INPP4B: variants seen among roughly 807,000 people sequenced by gnomAD.
INPP4B encodes inositol polyphosphate 4-phosphatase type II.
Under a neutral mutation model 122.5 loss-of-function variants are expected in INPP4B, and 55 were observed. The observed-to-expected ratio is 0.45, with a 90% CI of 0.36 to 0.56. INPP4B has a LOEUF of 0.56. Ranked by LOEUF, INPP4B falls within the 20% of genes least tolerant of loss-of-function variation. The pLI is 0.00. For missense variants in INPP4B, 1,000 were observed against 1,097.7 expected (o/e 0.91, Z 1.26); for synonymous variants, 403 against 388.7 (o/e 1.04, Z -0.43).
At chr4:142,051,438 CTTCT>C (rs1754533563) in intron 25 of INPP4B, among the ~76,000 whole-genome samples, 1 of 151,778 alleles carries the variant, frequency 6.6e-6, no homozygotes, top group African/African-American at 2.4e-5. Flanking sequence ...CTAAGTGAGA[CTTCT>C]GGGAGCTAGC....
intron 1 of INPP4B, among the ~76,000 whole-genome samples, chr4:142,843,831 G>T (rs538007930): frequency 6.6e-6 from 1 of 152,040 alleles, no homozygotes; most frequent in South Asian, 2.1e-4. Context: ...TCTCCCTCAA[G>T]GTAGTGAAAG....
chr4:142,775,540 T>TCTTCC (rs1773749583), intron 1 of INPP4B, among the ~76,000 whole-genome samples: 1 of 98,666 alleles, frequency 1.0e-5, no homozygotes, highest in South Asian at 4.0e-4. Context: ...CCTACTCTCC[T>TCTTCC]CTTCCCTTCC....
chr4:142,241,507 C>G (rs941753135), intron 11 of INPP4B, among the ~76,000 whole-genome samples: 1 of 152,030 alleles, frequency 6.6e-6, no homozygotes, highest in Non-Finnish European at 1.5e-5. Flanking sequence ...ATTGTTTCTC[C>G]CAGATTGTAA....
chr4:142,765,196 A>G (rs1440188356), intron 1 of INPP4B, among the ~76,000 whole-genome samples: 1 of 152,176 alleles, frequency 6.6e-6, no homozygotes, highest in Non-Finnish European at 1.5e-5. Context: ...ATGGCCCCAA[A>G]TTAGAGATTA....
chr4:142,454,652 C>T (rs1041873799), intron 3 of INPP4B, among the ~76,000 whole-genome samples: 7 of 151,994 alleles, frequency 4.6e-5, no homozygotes, highest in African/African-American at 1.7e-4. Flanking sequence ...GTGGTTGGGA[C>T]CAATTATGGA....
At chr4:142,165,451 T>C (rs1822276333) in intron 16 of INPP4B, among the ~76,000 whole-genome samples, 1 of 151,690 alleles carries the variant, frequency 6.6e-6, no homozygotes, top group South Asian at 2.1e-4. Flanking sequence ...TTGTCTTTCC[T>C]TTACAATGTT....
intron 11 of INPP4B, among the ~76,000 whole-genome samples, chr4:142,250,289 A>G (rs1254118532): frequency 6.6e-6 from 1 of 152,236 alleles, no homozygotes; most frequent in East Asian, 1.9e-4. Context: ...TTTACAACAG[A>G]TAAGTGAACT....
intron 1 of INPP4B, among the ~76,000 whole-genome samples, chr4:142,845,541 C>T (rs893669133): frequency 6.6e-6 from 1 of 152,176 alleles, no homozygotes; most frequent in Admixed American, 6.5e-5. Context: ...ACAAGAGATG[C>T]TGCCTGATGG....
At chr4:142,434,797 G>T (rs1810074586) in intron 3 of INPP4B, among the ~76,000 whole-genome samples, 3 of 151,998 alleles carry the variant, frequency 2.0e-5, no homozygotes, top group Admixed American at 6.6e-5. Context: ...ATGCAGCAAG[G>T]GTGTCCAATC....
At chr4:142,378,309 C>G (rs991187672) in intron 7 of INPP4B, among the ~76,000 whole-genome samples, 3 of 152,110 alleles carry the variant, frequency 2.0e-5, no homozygotes, top group African/African-American at 7.2e-5. Flanking sequence ...TAGCCTTGAC[C>G]CCTAGGTACA....
chr4:142,744,461 A>T (rs941214321), intron 1 of INPP4B, among the ~76,000 whole-genome samples: 1 of 151,888 alleles, frequency 6.6e-6, no homozygotes, highest in Non-Finnish European at 1.5e-5. Flanking sequence ...AAAAAATCCT[A>T]AAAAAGATCA....
At chr4:142,569,520 G>A (rs1245211683) in intron 2 of INPP4B, among the ~76,000 whole-genome samples, 2 of 152,098 alleles carry the variant, frequency 1.3e-5, no homozygotes, top group Non-Finnish European at 2.9e-5. Context: ...ACAGAAGGGA[G>A]AAACTGGGCA....
intron 1 of INPP4B, among the ~76,000 whole-genome samples, chr4:142,836,771 A>C (rs565565284): frequency 6.6e-6 from 1 of 150,990 alleles, no homozygotes; most frequent in Non-Finnish European, 1.5e-5. Context: ...CAACTTATCC[A>C]TAAACACATT....
intron 2 of INPP4B, among the ~76,000 whole-genome samples, chr4:142,469,391 G>T (rs918730487): frequency 1.3e-5 from 2 of 152,042 alleles, no homozygotes; most frequent in African/African-American, 4.8e-5. Context: ...TGTAACACGT[G>T]TAAGTGGGGA....
At chr4:142,248,908 A>T (rs899822677) in intron 11 of INPP4B, among the ~76,000 whole-genome samples, 9 of 152,120 alleles carry the variant, frequency 5.9e-5, no homozygotes, top group Non-Finnish European at 1.0e-4. Context: ...AATTTATAAC[A>T]TTTAAGTGCC....
chr4:142,140,759 T>C (rs1306272643), intron 18 of INPP4B, among the ~76,000 whole-genome samples: 1 of 152,198 alleles, frequency 6.6e-6, no homozygotes, highest in African/African-American at 2.4e-5. Flanking sequence ...ATAGTGGTGC[T>C]TAAATGTTAC....
chr4:142,574,091 T>C lies in INPP4B; in HGVS notation c.-190-111365A>G, dbSNP rs1002448504. Among the ~76,000 whole-genome samples the C allele has an allele frequency of 3.9e-5, 6 of 152,240 alleles. 1 individual carries two copies. The South Asian group carries it at 1.0e-3, about 26-fold the overall frequency. On this transcript the variant is annotated intron_variant, in intron 2 of 25. Coordinates refer to ENST00000262992, the MANE Select transcript of INPP4B (RefSeq NM_001101669.3). ...AACTCAAACCATTTAACTCTTGGAC[T>C]GTTGCTTTCATCAATACCAAAAGCC...
chr4:142,718,586 A>C lies in INPP4B; in HGVS notation c.-191+7253T>G, dbSNP rs532420633. 1.3e-3 allele frequency among the ~76,000 whole-genome samples: 201 copies of C among 152,286 alleles called. 5 individuals are homozygous for C. The South Asian group carries it at 0.019, about 15-fold the overall frequency. On this transcript the variant is annotated intron_variant, in intron 2 of 25. Transcript: ENST00000262992. ...TAAGCTAGCGCTGTGCCTTCTGTTC[A>C]TGAATAGCACTTTCTCATGGCATAG...
chr4:142,460,458 T>C (rs1816477646), intron 3 of INPP4B, among the ~76,000 whole-genome samples: 2 of 152,236 alleles, frequency 1.3e-5, no homozygotes, highest in South Asian at 4.1e-4. Flanking sequence ...TGGGTGATTA[T>C]TCAATCCGGC....
Sources: gnomAD v4.1 joint callset for allele counts (sites outside exome capture counted in the v4.1 genomes callset) on GRCh38, gnomAD v4.1.1 for gene constraint, MANE v1.5 for transcripts, NCBI Gene and HGNC (gene_info 2026-07-23, HGNC 2026-07-21) for gene names.